The following FAM13C variants were observed in gnomAD, a reference collection of about 807,000 sequenced individuals.
FAM13C encodes family with sequence similarity 13 member C, also known as protein FAM13C.
In FAM13C, 37 loss-of-function variants were observed where a neutral mutation model predicts 73.2. That is an observed-to-expected ratio of 0.51 (90% CI 0.39 to 0.67). The LOEUF is 0.67. Ranked by LOEUF, FAM13C falls within the 30% of genes least tolerant of loss-of-function variation. The pLI is 0.00. For missense variants in FAM13C, 589 were observed against 715.6 expected (o/e 0.82, Z 2.02); for synonymous variants, 246 against 260.9 (o/e 0.94, Z 0.55).
At chr10:59,318,351 A>G (rs1194392839) in intron 4 of FAM13C, among the ~76,000 whole-genome samples, 1 of 152,126 alleles carries the variant, frequency 6.6e-6, no homozygotes, top group Non-Finnish European at 1.5e-5. Context: ...CAGTTCACGG[A>G]CTGGGTGTGG....
chr10:59,281,195 A>G (rs1844882224), intron 6 of FAM13C, among the ~76,000 whole-genome samples: 1 of 152,212 alleles, frequency 6.6e-6, no homozygotes, highest in Admixed American at 6.5e-5. Context: ...CACCAGGACT[A>G]ACATGAAAAA....
chr10:59,253,581 TTAC>T (rs1841623291), intron 11 of FAM13C: 1 of 152,776 alleles, frequency 6.5e-6, no homozygotes, highest in Non-Finnish European at 1.5e-5. Flanking sequence ...TATAAGAACC[TTAC>T]TACATTTTAA....
intron 2 of FAM13C, among the ~76,000 whole-genome samples, chr10:59,354,155 CT>C (rs140986362): frequency 0.017 from 2,630 of 152,270 alleles, 83 homozygotes; most frequent in African/African-American, 0.061. Context: ...TAAAATGACT[CT>C]TTTGATAGAC....
At chr10:59,343,811 G>A (rs954021522) in intron 3 of FAM13C, among the ~76,000 whole-genome samples, 1 of 152,112 alleles carries the variant, frequency 6.6e-6, no homozygotes, top group African/African-American at 2.4e-5. Flanking sequence ...CACTTTTGTT[G>A]GTTTAAATCA....
Position 59,247,472 on chromosome 10 carries a change from G to A in FAM13C, c.*142C>T. 1.0e-6 allele frequency: 1 copy of A among 962,056 alleles called. No homozygotes were observed. The highest frequency in any genetic ancestry group is 1.6e-6 in the Non-Finnish European group (1 of 625,900). 59.6% of individuals were successfully genotyped at this position (962,056 alleles called of 1,614,324 possible). A position where few individuals can be genotyped will look rare whatever the true frequency, so the allele number is the denominator to read the frequency against. On this transcript the variant is annotated 3_prime_UTR_variant, in exon 14 of 14. Transcript: ENST00000618804. ...CTTCTCCTTGTATATAATTAAACTT[G>A]CTATTCCTTCTTAAAAACAGCTAAT... is the stretch of plus-strand genomic sequence containing the variant.
Position 59,290,651 on chromosome 10 carries a change from C to T in FAM13C, c.508-7204G>A, listed in dbSNP as rs528113400. ...ATTATCTTATCTCAGCAGGGGGCCCCCTAGTGTCTCTTTTAGCATCTTGTT... is the reference window on the plus strand; with the variant it reads ...ATTATCTTATCTCAGCAGGGGGCCCTCTAGTGTCTCTTTTAGCATCTTGTT... On this transcript the variant is annotated intron_variant, in intron 5 of 13. Transcript: ENST00000618804. Among the ~76,000 whole-genome samples the T allele has an allele frequency of 2.0e-5, 3 of 152,240 alleles. No homozygotes were observed. In the South Asian group the frequency reaches 6.2e-4, roughly 32 times the overall value.
At chr10:59,285,131 C>T (rs1377687589) in intron 5 of FAM13C, among the ~76,000 whole-genome samples, 1 of 152,192 alleles carries the variant, frequency 6.6e-6, no homozygotes, top group East Asian at 1.9e-4. Flanking sequence ...CTCAGGATCA[C>T]ACCTCTGCCA....
intron 3 of FAM13C, among the ~76,000 whole-genome samples, chr10:59,329,433 C>A (rs1430081640): frequency 7.4e-6 from 1 of 135,660 alleles, no homozygotes; most frequent in Non-Finnish European, 1.5e-5. Flanking sequence ...GATCTCGACT[C>A]ACTGCAAATT....
upstream of FAM13C, chr10:59,363,120 A>C (rs1237657574): frequency 1.3e-5 from 2 of 152,646 alleles, no homozygotes; most frequent in Non-Finnish European, 2.9e-5. Flanking sequence ...TGATCTGTCT[A>C]GAGCGCTCTT....
At chr10:59,285,114 A>AG in intron 5 of FAM13C, among the ~76,000 whole-genome samples, 1 of 152,306 alleles carries the variant, frequency 6.6e-6, no homozygotes, top group South Asian at 2.1e-4. Context: ...GCAGGTGCCT[A>AG]GGCAGGCTCA....
chr10:59,290,358 A>G (rs1352830044), intron 5 of FAM13C, among the ~76,000 whole-genome samples: 2 of 152,214 alleles, frequency 1.3e-5, no homozygotes, highest in Non-Finnish European at 2.9e-5. Context: ...AGAATTGCAT[A>G]TGATTCCCTA....
At chr10:59,307,746 A>T (rs966305534) in intron 4 of FAM13C, among the ~76,000 whole-genome samples, 1 of 152,192 alleles carries the variant, frequency 6.6e-6, no homozygotes, top group African/African-American at 2.4e-5. Flanking sequence ...AAAGAAAGCA[A>T]GGCAAGAAGA....
intron 6 of FAM13C, among the ~76,000 whole-genome samples, chr10:59,274,771 A>G (rs957760630): frequency 2.0e-5 from 3 of 152,220 alleles, no homozygotes; most frequent in Admixed American, 6.5e-5. Context: ...ACAGCTTCTG[A>G]TCTCTGAGAA....
chr10:59,329,184 A>T (rs1274873634), intron 3 of FAM13C, among the ~76,000 whole-genome samples: 1 of 152,054 alleles, frequency 6.6e-6, no homozygotes, highest in African/African-American at 2.4e-5. Context: ...GTTTCTTCAG[A>T]TCTATTTTTA....
intron 1 of FAM13C, among the ~76,000 whole-genome samples, chr10:59,357,162 G>A (rs1367896292): frequency 1.3e-5 from 2 of 152,090 alleles, no homozygotes; most frequent in Non-Finnish European, 2.9e-5. Context: ...GTGATCATGT[G>A]AGTCCACTCT....
At chr10:59,294,398 C>T (rs1846651098) in intron 5 of FAM13C, among the ~76,000 whole-genome samples, 1 of 152,198 alleles carries the variant, frequency 6.6e-6, no homozygotes, top group South Asian at 2.1e-4. Flanking sequence ...AGGCAAAAGG[C>T]AGCACAGGTG....
At chr10:59,346,109 T>G (rs183595520) in intron 3 of FAM13C, among the ~76,000 whole-genome samples, 5 of 152,308 alleles carry the variant, frequency 3.3e-5, no homozygotes, top group Admixed American at 6.5e-5. Context: ...TTTTACTGTT[T>G]GAAGTTGCTC....
At chr10:59,314,688 C>T (rs1414677538) in intron 4 of FAM13C, among the ~76,000 whole-genome samples, 2 of 151,996 alleles carry the variant, frequency 1.3e-5, no homozygotes, top group East Asian at 1.9e-4. Context: ...TCCCCTTGGA[C>T]CCCACCCCCA....
At chr10:59,288,896 T>G (rs762732812) in intron 5 of FAM13C, among the ~76,000 whole-genome samples, 1 of 151,880 alleles carries the variant, frequency 6.6e-6, no homozygotes. Flanking sequence ...GAACAGAGAG[T>G]GGGGACTTGG....
Sources: gnomAD v4.1 joint callset for allele counts (sites outside exome capture counted in the v4.1 genomes callset) on GRCh38, gnomAD v4.1.1 for gene constraint, MANE v1.5 for transcripts, NCBI Gene and HGNC (gene_info 2026-07-23, HGNC 2026-07-21) for gene names.